NF1: variants seen among roughly 807,000 people sequenced by gnomAD.
NF1 encodes neurofibromin.
NF1 carries 122 observed loss-of-function variants against 325.7 expected under a neutral mutation model. The ratio of observed to expected loss-of-function variants is 0.37; its 90% CI spans 0.32 to 0.44. NF1 has a LOEUF of 0.44. Ranked by LOEUF, NF1 falls within the 20% of genes least tolerant of loss-of-function variation. The pLI is 1.00. For missense variants in NF1, 2,140 were observed against 3,415.4 expected (o/e 0.63, Z 9.31); for synonymous variants, 1,091 against 1,186.0 (o/e 0.92, Z 1.65).
chr17:31,185,619 A>T (rs1299129154), intron 8 of NF1, among the ~76,000 whole-genome samples: 1 of 152,146 alleles, frequency 6.6e-6, no homozygotes, highest in Non-Finnish European at 1.5e-5. Flanking sequence ...AAAAAGAAAG[A>T]GGCACAATGC....
chr17:31,167,681 T>C (rs568523482), intron 4 of NF1, among the ~76,000 whole-genome samples: 149 of 152,304 alleles, frequency 9.8e-4, no homozygotes, highest in African/African-American at 3.4e-3. Flanking sequence ...ATACCAACTT[T>C]TGAAAATCTG....
chr17:31,262,527 C>G (rs2067703226), intron 35 of NF1, among the ~76,000 whole-genome samples: 1 of 152,080 alleles, frequency 6.6e-6, no homozygotes, highest in African/African-American at 2.4e-5. Context: ...GATTTGAGTG[C>G]TATGTTCATA....
chr17:31,377,629 C>T lies in NF1; in HGVS notation c.*3474C>T, dbSNP rs879321185. The stretch of plus-strand genomic sequence containing the variant: ...ATTTTCCTCCTTGTGTATGTACTTC[C>T]CCCACCCCCCTTTTTTTAAGTAAAA... On this transcript the variant is annotated 3_prime_UTR_variant, in exon 58 of 58. Coordinates refer to ENST00000358273, the MANE Select transcript of NF1 (RefSeq NM_001042492.3). The T allele has an allele frequency of 1.7e-5, 4 of 230,332 alleles. No homozygotes were observed. Among genetic ancestry groups the T allele is most frequent in the Non-Finnish European group, 3.4e-5 (4 of 116,458 alleles). The allele number at this position is 230,332 out of a possible 1,614,324, so 14.3% of individuals were successfully genotyped here.
chr17:31,153,650 A>T (rs534840117), intron 1 of NF1, among the ~76,000 whole-genome samples: 1 of 152,016 alleles, frequency 6.6e-6, no homozygotes, highest in Non-Finnish European at 1.5e-5. Flanking sequence ...CAGACACAGG[A>T]TCTCGCTCTG....
chr17:31,107,954 A>G (rs1461153219), intron 1 of NF1, among the ~76,000 whole-genome samples: 1 of 151,764 alleles, frequency 6.6e-6, no homozygotes, highest in African/African-American at 2.4e-5. Context: ...CCTGGACAAC[A>G]CAGCTAGTAT....
intron 57 of NF1, among the ~76,000 whole-genome samples, 188 bp from the exon 58 acceptor site, chr17:31,373,825 T>G (rs2070690859): frequency 6.6e-6 from 1 of 152,254 alleles, no homozygotes; most frequent in East Asian, 1.9e-4. Context: ...CTATACCATA[T>G]AGCCTTGGTG....
intron 1 of NF1, chr17:31,133,836 T>C (rs1226547328): frequency 6.6e-6 from 1 of 152,164 alleles, no homozygotes; most frequent in African/African-American, 2.4e-5. Context: ...TTTGTATTTT[T>C]AGTAGAGATG....
chr17:31,193,852 G>A (rs1295214099), intron 8 of NF1, among the ~76,000 whole-genome samples: 6 of 152,064 alleles, frequency 3.9e-5, no homozygotes, highest in African/African-American at 7.2e-5. Flanking sequence ...ATCTCACCCC[G>A]GTTAGAATGG....
intron 3 of NF1, among the ~76,000 whole-genome samples, chr17:31,161,360 G>A (rs542614748): frequency 1.3e-5 from 2 of 152,316 alleles, no homozygotes; most frequent in East Asian, 3.9e-4. Flanking sequence ...CTATGTTTCA[G>A]TGTATTTGCA....
chr17:31,256,791 C>T (rs1419885567), intron 31 of NF1, among the ~76,000 whole-genome samples: 2 of 152,150 alleles, frequency 1.3e-5, no homozygotes, highest in Non-Finnish European at 2.9e-5. Context: ...CCAGTTTCCC[C>T]TTATTTAAGG....
chr17:31,208,689 G>A (rs757698355), intron 12 of NF1, among the ~76,000 whole-genome samples: 15 of 152,122 alleles, frequency 9.9e-5, no homozygotes, highest in Non-Finnish European at 1.2e-4. Context: ...TCAGGAGGTC[G>A]AGACCAGCCT....
At chr17:31,179,436 A>G (rs183492098) in intron 5 of NF1, among the ~76,000 whole-genome samples, 4 of 152,352 alleles carry the variant, frequency 2.6e-5, no homozygotes, top group Admixed American at 6.5e-5. Flanking sequence ...ACACCCTAAC[A>G]TCACAATTAA....
intron 30 of NF1, 87 bp from the exon 31 acceptor site, chr17:31,252,851 G>T (rs1301080133): frequency 9.8e-7 from 1 of 1,024,140 alleles, no homozygotes; most frequent in South Asian, 1.3e-5. Context: ...ACATTTTATG[G>T]TGTAATTTTA....
intron 36 of NF1, among the ~76,000 whole-genome samples, chr17:31,273,394 A>G (rs934219469): frequency 1.3e-5 from 2 of 152,152 alleles, no homozygotes; most frequent in African/African-American, 4.8e-5. Flanking sequence ...CAACTCCTTC[A>G]TTTTGCAAAT....
At chr17:31,261,330 A>G (rs1046788411) in intron 34 of NF1, among the ~76,000 whole-genome samples, 1 of 152,206 alleles carries the variant, frequency 6.6e-6, no homozygotes, top group African/African-American at 2.4e-5. Flanking sequence ...TCTCTTGTGT[A>G]ACATAAATTA....
At chr17:31,364,187 A>G (rs1376825991) in intron 57 of NF1, among the ~76,000 whole-genome samples, 3 of 152,224 alleles carry the variant, frequency 2.0e-5, no homozygotes, top group Non-Finnish European at 4.4e-5. Flanking sequence ...CCAGCAGCCA[A>G]GTCTCAAGCA....
intron 36 of NF1, chr17:31,272,861 T>G (rs1025021159): frequency 1.3e-5 from 2 of 152,232 alleles, no homozygotes; most frequent in African/African-American, 4.8e-5. Context: ...ATTTGTGTTA[T>G]GTAAATGTTT....
At chr17:31,172,392 T>A (rs2065944908) in intron 5 of NF1, among the ~76,000 whole-genome samples, 1 of 152,098 alleles carries the variant, frequency 6.6e-6, no homozygotes, top group African/African-American at 2.4e-5. Context: ...TCTCTCGATA[T>A]ACCTATCTGT....
In NF1 at chr17:31,181,675, A is replaced by C. The variant is rs76853817; in HGVS notation, c.655-35A>C. On this transcript the variant is annotated intron_variant, in intron 6 of 57. Transcript: ENST00000358273. ...ACATTTTATTTACTGTATTACAAAA[A>C]ATCACTGTAAAGACATGTGGTTCTT... The C allele has an allele frequency of 1.3e-4, 190 of 1,495,430 alleles. No individual in the cohort carries two copies. In the African/African-American group the frequency reaches 2.4e-3, roughly 19 times the overall value. 92.6% of individuals were successfully genotyped at this position (1,495,430 alleles called of 1,614,324 possible).
Sources: gnomAD v4.1 joint callset for allele counts (sites outside exome capture counted in the v4.1 genomes callset) on GRCh38, gnomAD v4.1.1 for gene constraint, MANE v1.5 for transcripts, NCBI Gene and HGNC (gene_info 2026-07-23, HGNC 2026-07-21) for gene names.